IGF1: variants seen among roughly 807,000 people sequenced by gnomAD.
The protein encoded by IGF1 is insulin-like growth factor 1.
In IGF1, 4 loss-of-function variants were observed where a neutral mutation model predicts 13.8. The observed-to-expected ratio is 0.29, with a 90% confidence interval of 0.14 to 0.66. IGF1 has a LOEUF of 0.66. IGF1 is among the 30% of genes least tolerant of loss of function. IGF1 has a pLI of 0.78. For synonymous variants in IGF1, 76 were observed against 72.6 expected, an observed-to-expected ratio of 1.05 and a Z score of -0.23; for missense variants, 124 against 188.5, an observed-to-expected ratio of 0.66 and a Z score of 2.00.
chr12:102,480,128 T>C (rs548294049), intron 1 of IGF1, among the ~76,000 whole-genome samples, 191 bp downstream of exon 1: 4 of 152,182 alleles, frequency 2.6e-5, no homozygotes, highest in Non-Finnish European at 5.9e-5. Flanking sequence ...CATACAGATA[T>C]CTGTGCAAAT....
At chr12:102,454,364 A>G (rs1398579055) in intron 2 of IGF1, among the ~76,000 whole-genome samples, 1 of 152,182 alleles carries the variant, frequency 6.6e-6, no homozygotes. Context: ...AGGTCTAGGG[A>G]ATGAGAGGGT....
At chr12:102,467,186 A>G (rs981787891) in intron 2 of IGF1, among the ~76,000 whole-genome samples, 3 of 152,028 alleles carry the variant, frequency 2.0e-5, no homozygotes, top group Non-Finnish European at 4.4e-5. Flanking sequence ...TCCCAGCAAT[A>G]CTCTCCGGAT....
chr12:102,471,940 G>A (rs1009481120), intron 2 of IGF1, among the ~76,000 whole-genome samples: 1 of 152,104 alleles, frequency 6.6e-6, no homozygotes, highest in Non-Finnish European at 1.5e-5. Context: ...TCTATGGTAA[G>A]CTTCACTTCT....
At chr12:102,432,959 GGA>G (rs1303489082) in intron 2 of IGF1, among the ~76,000 whole-genome samples, 1 of 152,098 alleles carries the variant, frequency 6.6e-6, no homozygotes, top group African/African-American at 2.4e-5. Flanking sequence ...TCTGGGGTAG[GGA>G]GAGAGGTTCA....
chr12:102,422,106 C>G (rs1225082978), intron 2 of IGF1, among the ~76,000 whole-genome samples: 2 of 152,314 alleles, frequency 1.3e-5, no homozygotes, highest in East Asian at 1.9e-4. Context: ...CAGTCAAACT[C>G]TAAGCTCATC....
chr12:102,419,208 G>A (rs993815531), intron 3 of IGF1, among the ~76,000 whole-genome samples: 1 of 152,144 alleles, frequency 6.6e-6, no homozygotes, highest in African/African-American at 2.4e-5. Flanking sequence ...TATTTGCCAA[G>A]GGCTCTAAGC....
At chr12:102,475,567 C>CA in intron 2 of IGF1, 76 bp downstream of exon 2, 1 of 1,534,166 alleles carries the variant, frequency 6.5e-7, no homozygotes, top group South Asian at 1.1e-5. Context: ...GTTATTCACA[C>CA]ACTCCCTGCG....
intron 2 of IGF1, among the ~76,000 whole-genome samples, chr12:102,445,358 C>T (rs905163923): frequency 8.5e-5 from 13 of 152,154 alleles, no homozygotes; most frequent in Admixed American, 1.3e-4. Flanking sequence ...ATTGATTCTT[C>T]CTATCCATGA....
intron 2 of IGF1, among the ~76,000 whole-genome samples, chr12:102,473,571 A>G (rs1194498855): frequency 6.6e-6 from 1 of 152,238 alleles, no homozygotes; most frequent in African/African-American, 2.4e-5. Context: ...GGCAAAACTC[A>G]TGACACACAT....
intron 2 of IGF1, among the ~76,000 whole-genome samples, chr12:102,426,594 G>C (rs763677878): frequency 2.0e-5 from 3 of 152,196 alleles, no homozygotes; most frequent in Non-Finnish European, 4.4e-5. Context: ...TTTTAATCTA[G>C]AATAGACACT....
intron 1 of IGF1, 73 bp downstream of exon 1, chr12:102,480,246 T>C: frequency 7.1e-7 from 1 of 1,413,138 alleles, no homozygotes; most frequent in Non-Finnish European, 1.0e-6. Context: ...TGAAGAACAG[T>C]TCTAGGCAGA....
chr12:102,429,700 A>G (rs5742667), intron 2 of IGF1, among the ~76,000 whole-genome samples: 105,795 of 152,108 alleles, frequency 0.7, 37,096 homozygotes, highest in Admixed American at 0.76. Context: ...TCAGCAAAGA[A>G]AAATATTCTC....
intron 2 of IGF1, among the ~76,000 whole-genome samples, chr12:102,426,041 A>G (rs1009355608): frequency 3.9e-5 from 6 of 152,362 alleles, no homozygotes; most frequent in Admixed American, 3.9e-4. Flanking sequence ...GGGGCCTGCT[A>G]TATAAGTTAG....
At chr12:102,454,785 A>G (rs1034907290) in intron 2 of IGF1, among the ~76,000 whole-genome samples, 2 of 152,168 alleles carry the variant, frequency 1.3e-5, no homozygotes, top group African/African-American at 2.4e-5. Flanking sequence ...AGCCCCAAAT[A>G]TTTGGGAATG....
At position 102,419,658 on chromosome 12, in the gene IGF1, T is replaced by A. The variant is rs1875512520; in HGVS notation, c.253A>T (p.Arg85Trp). The change falls in exon 3 of 4, where the codon AGG (arginine) becomes TGG (tryptophan). Residue 85 changes from arginine to tryptophan, a missense_variant. Arg to Trp is a moderately radical substitution (Grantham distance 101, BLOSUM62 -3). Transcript: ENST00000337514. ...TCCACGATGCCTGTCTGAGGCGCCCTCCGACTGCTGGAGCCATACCCTGTG... is the reference window on the plus strand; with the variant it reads ...TCCACGATGCCTGTCTGAGGCGCCCACCGACTGCTGGAGCCATACCCTGTG... The part of the protein sequence containing the change: ...KPTGYGSSSR[R>W]APQTGIVDEC... 1 of 1,613,052 alleles carries A rather than the reference T, an allele frequency of 6.2e-7. No individual in the cohort carries two copies. The highest frequency in any genetic ancestry group is 1.3e-5 in the African/African-American group (1 of 74,906).
chr12:102,441,956 T>TTCTTCTTCTTCTTCTTCTTCTTCG, intron 2 of IGF1, among the ~76,000 whole-genome samples: 1 of 140,486 alleles, frequency 7.1e-6, no homozygotes, highest in African/African-American at 2.7e-5. Context: ...CTTCTTCTTC[T>TTCTTCTTCTTCTTCTTCTTCTTCG]TTTTTTTTTT....
Position 102,398,080 on chromosome 12 carries a change from A to G in IGF1, c.*4427T>C, listed in dbSNP as rs1873365693. The G allele has an allele frequency of 7.5e-6, 1 of 134,126 alleles. No individual in the cohort carries two copies. The highest frequency in any genetic ancestry group is 2.7e-5 in the African/African-American group (1 of 37,568). The allele number at this position is 134,126 out of a possible 1,614,324, so 8.3% of individuals were successfully genotyped here. ...ACATTAAGAAATTCATAAAGACTGT[A>G]TAAAGTAAAAAAAAAAAAAAAACAA... On this transcript the variant is annotated 3_prime_UTR_variant, in exon 4 of 4. Transcript: ENST00000337514.
chr12:102,411,633 G>A (rs1161670026), intron 3 of IGF1, among the ~76,000 whole-genome samples: 1 of 152,184 alleles, frequency 6.6e-6, no homozygotes, highest in Non-Finnish European at 1.5e-5. Flanking sequence ...GACAAGAGCT[G>A]CCATCATACT....
In IGF1 at chr12:102,397,535, T is replaced by C. The variant is rs1592723724; in HGVS notation, c.*4972A>G. ...AAATAGAAATTACACAAAAAAGATA[T>C]CTATGTATCACTTTCTAATACCTAA... On this transcript the variant is annotated 3_prime_UTR_variant, in exon 4 of 4. Transcript: ENST00000337514. 1 of 152,202 alleles carries C rather than the reference T, an allele frequency of 6.6e-6. No homozygotes were observed. The highest frequency in any genetic ancestry group is 1.5e-5 in the Non-Finnish European group (1 of 68,034). 9.4% of individuals were successfully genotyped at this position (152,202 alleles called of 1,614,324 possible). A position where few individuals can be genotyped will look rare whatever the true frequency, so the allele number is the denominator to read the frequency against.
Sources: gnomAD v4.1 joint callset for allele counts (sites outside exome capture counted in the v4.1 genomes callset) on GRCh38, gnomAD v4.1.1 for gene constraint, MANE v1.5 for transcripts, NCBI Gene and HGNC (gene_info 2026-07-23, HGNC 2026-07-21) for gene names.